CHSY3: variants seen among roughly 807,000 people sequenced by gnomAD.
The protein encoded by CHSY3 is N-acetylgalactosaminyl-proteoglycan 3-beta-glucuronosyltransferase 3.
In CHSY3, 35 loss-of-function variants were observed where a neutral mutation model predicts 67.2. The observed-to-expected ratio is 0.52, with a 90% CI of 0.40 to 0.69. The LOEUF (loss-of-function observed/expected upper bound fraction) is 0.69. CHSY3 is among the 30% of genes least tolerant of loss of function. The pLI is 0.00. For synonymous variants in CHSY3, 474 were observed against 434.7 expected (o/e 1.09, Z -1.12); for missense variants, 1,069 against 1,138.5 (o/e 0.94, Z 0.88).
At chr5:129,985,920 G>A (rs1763186458) in intron 2 of CHSY3, among the ~76,000 whole-genome samples, 1 of 152,072 alleles carries the variant, frequency 6.6e-6, no homozygotes, top group Admixed American at 6.6e-5. Context: ...AAGAGCCTTT[G>A]GGGAGAGACT....
At chr5:130,178,471 C>T (rs1770146701) in intron 2 of CHSY3, among the ~76,000 whole-genome samples, 1 of 151,592 alleles carries the variant, frequency 6.6e-6, no homozygotes, top group Admixed American at 6.6e-5. Flanking sequence ...CCAGGATGGT[C>T]TCCATCTCCT....
At chr5:130,070,923 G>C (rs1253584093) in intron 2 of CHSY3, among the ~76,000 whole-genome samples, 1 of 151,986 alleles carries the variant, frequency 6.6e-6, no homozygotes, top group Non-Finnish European at 1.5e-5. Flanking sequence ...TCATTTTTAT[G>C]TTCCTTTTTA....
At chr5:130,015,896 A>G (rs1247945186) in intron 2 of CHSY3, among the ~76,000 whole-genome samples, 1 of 152,218 alleles carries the variant, frequency 6.6e-6, no homozygotes, top group Admixed American at 6.5e-5. Context: ...GGAATACTAC[A>G]CAGCCATAAA....
At chr5:129,940,337 C>A (rs1350672496) in intron 2 of CHSY3, among the ~76,000 whole-genome samples, 3 of 152,006 alleles carry the variant, frequency 2.0e-5, no homozygotes, top group Non-Finnish European at 4.4e-5. Flanking sequence ...TTCTTGTTAA[C>A]TGAACTCATT....
At chr5:130,097,928 C>T (rs1336321025) in intron 2 of CHSY3, among the ~76,000 whole-genome samples, 2 of 151,960 alleles carry the variant, frequency 1.3e-5, no homozygotes, top group African/African-American at 2.4e-5. Flanking sequence ...CTGGTGAACC[C>T]GGGAGGCAGA....
At chr5:129,982,658 A>C (rs1362654784) in intron 2 of CHSY3, among the ~76,000 whole-genome samples, 2 of 152,116 alleles carry the variant, frequency 1.3e-5, no homozygotes, top group Non-Finnish European at 2.9e-5. Flanking sequence ...CATTAAATAC[A>C]AATATAAATT....
At chr5:129,934,175 ATATT>A (rs1377873980) in intron 2 of CHSY3, among the ~76,000 whole-genome samples, 1 of 152,184 alleles carries the variant, frequency 6.6e-6, no homozygotes, top group Non-Finnish European at 1.5e-5. Context: ...AATGATCTCA[ATATT>A]TATTATATGA....
In CHSY3 at chr5:130,149,160, A is replaced by C. The variant is rs117826619; in HGVS notation, c.1087-35069A>C. Among the ~76,000 whole-genome samples, 94 of 152,210 alleles carry C rather than the reference A, an allele frequency of 6.2e-4. 1 individual carries two copies. The East Asian group carries it at 0.015, about 25-fold the overall frequency. On this transcript the variant is annotated intron_variant, in intron 2 of 2. Transcript: ENST00000305031. Reference sequence around the variant, plus strand: ...CATTTATTGATGTGTCTCTTACCCAATTGCAAAGTTGCTTCCACATTTTCA... The same window carrying C: ...CATTTATTGATGTGTCTCTTACCCACTTGCAAAGTTGCTTCCACATTTTCA...
At chr5:129,944,483 C>A (rs1475659782) in intron 2 of CHSY3, among the ~76,000 whole-genome samples, 1 of 151,748 alleles carries the variant, frequency 6.6e-6, no homozygotes, top group Non-Finnish European at 1.5e-5. Context: ...TACAGGCGAA[C>A]ACCACCACAC....
chr5:130,095,885 C>T (rs551165885), intron 2 of CHSY3, among the ~76,000 whole-genome samples: 3 of 152,328 alleles, frequency 2.0e-5, no homozygotes, highest in South Asian at 4.1e-4. Context: ...AATGAACCCC[C>T]GATATGACGC....
chr5:130,133,179 C>T (rs566142728), intron 2 of CHSY3, among the ~76,000 whole-genome samples: 2 of 152,216 alleles, frequency 1.3e-5, no homozygotes, highest in South Asian at 4.1e-4. Context: ...AAAAAGGACT[C>T]AGAGTCTCAG....
chr5:130,100,350 A>ATTTTTTTTTT (rs3065055), intron 2 of CHSY3, among the ~76,000 whole-genome samples: 1 of 131,688 alleles, frequency 7.6e-6, no homozygotes, highest in Non-Finnish European at 1.6e-5. Flanking sequence ...ATGCTTGGCT[A>ATTTTTTTTTT]TTTTTTTTTT....
intron 2 of CHSY3, among the ~76,000 whole-genome samples, chr5:130,182,647 T>C (rs1463619259): frequency 1.3e-5 from 2 of 152,138 alleles, no homozygotes; most frequent in Non-Finnish European, 2.9e-5. Flanking sequence ...TATGTTTACA[T>C]CAACAGGTCA....
chr5:130,179,915 T>C (rs73788434), intron 2 of CHSY3, among the ~76,000 whole-genome samples: 1,687 of 152,330 alleles, frequency 0.011, 25 homozygotes, highest in African/African-American at 0.037. Context: ...TTTTCTCTGC[T>C]GCTTCAGATT....
At chr5:130,124,516 C>T (rs1371461667) in intron 2 of CHSY3, among the ~76,000 whole-genome samples, 3 of 150,580 alleles carry the variant, frequency 2.0e-5, no homozygotes, top group Non-Finnish European at 4.4e-5. Context: ...AGTGCAATGG[C>T]GTGATCTCAG....
At chr5:130,026,079 T>C (rs538794815) in intron 2 of CHSY3, among the ~76,000 whole-genome samples, 7 of 152,274 alleles carry the variant, frequency 4.6e-5, no homozygotes, top group South Asian at 4.1e-4. Flanking sequence ...GGAAATTTCA[T>C]AGGAACTTGT....
chr5:130,119,291 C>T (rs998603980), intron 2 of CHSY3, among the ~76,000 whole-genome samples: 1 of 152,156 alleles, frequency 6.6e-6, no homozygotes, highest in African/African-American at 2.4e-5. Flanking sequence ...CATTTCCTTC[C>T]TCTAGACTAC....
Position 129,904,640 on chromosome 5 carries a change from G to T in CHSY3, c.-190G>T. 1 of 926,422 alleles carries T rather than the reference G, an allele frequency of 1.1e-6. No individual in the cohort carries two copies. Among genetic ancestry groups the T allele is most frequent in the South Asian group, 5.2e-5 (1 of 19,106 alleles). 57.4% of individuals were successfully genotyped at this position (926,422 alleles called of 1,614,324 possible). On this transcript the variant is annotated 5_prime_UTR_variant, in exon 1 of 3. Transcript: ENST00000305031. ...CCGGCCCAGAGCTGAGCGGGAGCCCGGCAGGCAGCTGCAGCCCGCGGCAGT... is the reference window on the plus strand; with the variant it reads ...CCGGCCCAGAGCTGAGCGGGAGCCCTGCAGGCAGCTGCAGCCCGCGGCAGT...
At position 130,185,582 on chromosome 5, in the gene CHSY3, G is replaced by A. The variant is rs754246132; in HGVS notation, c.2440G>A (p.Val814Ile). 7 of 1,613,306 alleles carry A rather than the reference G, an allele frequency of 4.3e-6. No homozygotes were observed. The highest frequency in any genetic ancestry group is 5.9e-6 in the Non-Finnish European group (7 of 1,179,798). ...AGAAGATGTAGATCTCTACAATAAA[G>A]TCATTCTATCTGGCTTAAGGCCATT... ...GLEDVDLYNK[V>I]ILSGLRPFRS... The change falls in exon 3 of 3, where the codon GTC becomes ATC. Residue 814 changes from valine to isoleucine, a missense_variant. Val to Ile is a conservative substitution (Grantham distance 29). Transcript: ENST00000305031.
Sources: allele counts gnomAD v4.1 joint callset (sites outside exome capture counted in the v4.1 genomes callset), GRCh38; gene constraint gnomAD v4.1.1; transcripts MANE v1.5; gene names NCBI Gene and HGNC (gene_info 2026-07-23, HGNC 2026-07-21).